EPHA7: variants seen among roughly 807,000 people sequenced by gnomAD.
EPHA7 encodes EPH receptor A7.
Under a neutral mutation model 112.6 loss-of-function variants are expected in EPHA7, and 25 were observed. The observed-to-expected ratio is 0.22, with a 90% CI of 0.16 to 0.31. The LOEUF (loss-of-function observed/expected upper bound fraction) is 0.31, where lower values mean the gene tolerates loss of function less well. Among genes scored for constraint, EPHA7 ranks in the 10% least tolerant of loss-of-function variants. EPHA7 has a pLI of 1.00. For missense variants in EPHA7, 962 were observed against 1,212.6 expected (o/e 0.79, Z 3.07); for synonymous variants, 437 against 406.5 (o/e 1.07, Z -0.90).
intron 3 of EPHA7, among the ~76,000 whole-genome samples, chr6:93,382,716 C>A (rs976881220): frequency 6.6e-6 from 1 of 152,088 alleles, no homozygotes; most frequent in Non-Finnish European, 1.5e-5. Context: ...TGAGATCCTA[C>A]TCGCTCCATG....
chr6:93,316,882 T>C (rs903436693), intron 5 of EPHA7, among the ~76,000 whole-genome samples: 10 of 152,116 alleles, frequency 6.6e-5, no homozygotes, highest in African/African-American at 2.4e-5. Context: ...CAAACAAATA[T>C]TGAAAACATT....
chr6:93,419,116 C>A (rs904106021), intron 1 of EPHA7, 129 bp downstream of exon 1: 2 of 646,114 alleles, frequency 3.1e-6, no homozygotes, highest in Admixed American at 4.2e-5. Context: ...GGTGAGGGGG[C>A]GGGGAGCCGG....
chr6:93,313,966 T>G (rs1437852413), intron 5 of EPHA7, among the ~76,000 whole-genome samples: 9 of 152,140 alleles, frequency 5.9e-5, no homozygotes, highest in Admixed American at 5.9e-4. Flanking sequence ...TTTCTCCTCC[T>G]TTATCTTTTC....
chr6:93,329,664 T>G (rs1356075906), intron 5 of EPHA7, among the ~76,000 whole-genome samples: 1 of 151,344 alleles, frequency 6.6e-6, no homozygotes, highest in Non-Finnish European at 1.5e-5. Context: ...CTAAATAAAC[T>G]TAGTAACTTC....
At chr6:93,249,567 C>G (rs1285252601) in intron 14 of EPHA7, among the ~76,000 whole-genome samples, 1 of 151,998 alleles carries the variant, frequency 6.6e-6, no homozygotes, top group African/African-American at 2.4e-5. Flanking sequence ...TTTGAGGCTG[C>G]TTCTATTTAA....
At chr6:93,374,849 G>A (rs1258475955) in intron 3 of EPHA7, among the ~76,000 whole-genome samples, 1 of 152,038 alleles carries the variant, frequency 6.6e-6, no homozygotes, top group Non-Finnish European at 1.5e-5. Context: ...AAGAGTGTTT[G>A]GCACACAGTA....
chr6:93,305,077 G>C (rs1773182762), intron 5 of EPHA7, among the ~76,000 whole-genome samples: 1 of 151,664 alleles, frequency 6.6e-6, no homozygotes, highest in African/African-American at 2.4e-5. Flanking sequence ...AGCTTTATAA[G>C]CTTTTATATT....
chr6:93,257,452 T>C lies in EPHA7; in HGVS notation c.2172+10A>G. ...TATATTTAGAATAAGTGGATCACTT[T>C]GGTACTTACCCTGAGAAATGCATCT... On this transcript the variant is annotated intron_variant, in intron 12 of 16. Coordinates refer to ENST00000369303, the MANE Select transcript of EPHA7 (RefSeq NM_004440.4). 1 of 1,599,470 alleles carries C rather than the reference T, an allele frequency of 6.3e-7. No homozygotes were observed. Among genetic ancestry groups the C allele is most frequent in the Non-Finnish European group, 8.6e-7 (1 of 1,169,220 alleles).
At chr6:93,332,205 A>G (rs1774628869) in intron 5 of EPHA7, among the ~76,000 whole-genome samples, 1 of 151,644 alleles carries the variant, frequency 6.6e-6, no homozygotes, top group African/African-American at 2.4e-5. Flanking sequence ...AGTACAGTGG[A>G]GCTCAGTGGA....
chr6:93,280,012 C>A, intron 5 of EPHA7, among the ~76,000 whole-genome samples: 1 of 152,054 alleles, frequency 6.6e-6, no homozygotes. Flanking sequence ...TTCGTTCATA[C>A]CTTCAACATA....
chr6:93,284,432 G>T (rs965738235), intron 5 of EPHA7, among the ~76,000 whole-genome samples: 2 of 151,848 alleles, frequency 1.3e-5, no homozygotes, highest in African/African-American at 4.8e-5. Flanking sequence ...AGAAAGAAAA[G>T]AATAAGAAAG....
intron 3 of EPHA7, among the ~76,000 whole-genome samples, chr6:93,389,512 T>A (rs1777797413): frequency 6.6e-6 from 1 of 152,040 alleles, no homozygotes; most frequent in Non-Finnish European, 1.5e-5. Flanking sequence ...ATGCTGTCAA[T>A]CTAATCTGAA....
At position 93,258,094 on chromosome 6, in the gene EPHA7, T is replaced by G. The variant is rs750803764; in HGVS notation, c.2110+5A>C. 6.2e-7 allele frequency: 1 copy of G among 1,611,504 alleles called. No individual in the cohort carries two copies. Among genetic ancestry groups the G allele is most frequent in the Admixed American group, 1.7e-5 (1 of 59,798 alleles). Reference sequence around the variant, plus strand: ...TGATAAAATAAAGATATAACCAATATCTACCTCTTGTAACAACCCCTTCCA... The same window carrying G: ...TGATAAAATAAAGATATAACCAATAGCTACCTCTTGTAACAACCCCTTCCA... On this transcript the variant is annotated splice_donor_5th_base_variant and intron_variant, in intron 11 of 16. Coordinates refer to ENST00000369303, the MANE Select transcript of EPHA7 (RefSeq NM_004440.4).
chr6:93,391,881 T>TA (rs932160839), intron 3 of EPHA7, among the ~76,000 whole-genome samples: 15 of 148,518 alleles, frequency 1.0e-4, no homozygotes, highest in East Asian at 3.9e-4. Flanking sequence ...TTTATGAGAT[T>TA]AAAAAAAAAA....
At chr6:93,381,552 A>G (rs1378043722) in intron 3 of EPHA7, among the ~76,000 whole-genome samples, 1 of 152,186 alleles carries the variant, frequency 6.6e-6, no homozygotes, top group Non-Finnish European at 1.5e-5. Context: ...ACATGTATCT[A>G]TTAATTATAA....
At chr6:93,331,882 C>T (rs1240457756) in intron 5 of EPHA7, among the ~76,000 whole-genome samples, 1 of 151,590 alleles carries the variant, frequency 6.6e-6, no homozygotes, top group Non-Finnish European at 1.5e-5. Flanking sequence ...AATTAATAGG[C>T]TTTCATTATA....
At chr6:93,318,956 TA>T (rs1161815756) in intron 5 of EPHA7, among the ~76,000 whole-genome samples, 1 of 152,092 alleles carries the variant, frequency 6.6e-6, no homozygotes, top group Non-Finnish European at 1.5e-5. Context: ...AATTCTTAAA[TA>T]AAAATGATAT....
At chr6:93,404,299 G>A (rs1008764909) in intron 3 of EPHA7, among the ~76,000 whole-genome samples, 6 of 151,822 alleles carry the variant, frequency 4.0e-5, no homozygotes, top group African/African-American at 7.3e-5. Flanking sequence ...CACATATTTC[G>A]AAATTATGAT....
chr6:93,249,534 T>C (rs536160872), intron 14 of EPHA7, among the ~76,000 whole-genome samples: 39 of 152,264 alleles, frequency 2.6e-4, no homozygotes, highest in African/African-American at 8.7e-4. Context: ...TTTTTTTCAT[T>C]GGAAAATGAG....
Sources: gnomAD v4.1 joint callset for allele counts (sites outside exome capture counted in the v4.1 genomes callset) on GRCh38, gnomAD v4.1.1 for gene constraint, MANE v1.5 for transcripts, NCBI Gene and HGNC (gene_info 2026-07-23, HGNC 2026-07-21) for gene names.